Variants in KCNN3 observed in about 807,000 individuals in gnomAD.
KCNN3 encodes small conductance calcium-activated potassium channel protein 3.
Under a neutral mutation model 62.9 loss-of-function variants are expected in KCNN3, and 16 were observed. That is an observed-to-expected ratio of 0.25 (90% CI 0.17 to 0.39). The LOEUF is 0.39. KCNN3 is among the 10% of genes least tolerant of loss of function. The pLI is 1.00. For missense variants in KCNN3, 599 were observed against 949.4 expected, an observed-to-expected ratio of 0.63 and a Z score of 4.85; for synonymous variants, 370 against 389.2, an observed-to-expected ratio of 0.95 and a Z score of 0.58.
chr1:154,788,628 T>A (rs1325946657), intron 2 of KCNN3, among the ~76,000 whole-genome samples: 3 of 151,978 alleles, frequency 2.0e-5, no homozygotes, highest in Non-Finnish European at 2.9e-5. Flanking sequence ...CACCAAATAC[T>A]CCCCTGCCTT....
chr1:154,753,152 A>T (rs1647465808), intron 3 of KCNN3, among the ~76,000 whole-genome samples: 1 of 152,170 alleles, frequency 6.6e-6, no homozygotes, highest in African/African-American at 2.4e-5. Context: ...TAAAGCTACT[A>T]CTCAGTTAAC....
At chr1:154,736,925 C>A in intron 3 of KCNN3, 1 of 669,096 alleles carries the variant, frequency 1.5e-6, no homozygotes, top group Non-Finnish European at 2.7e-6. Context: ...TGTTTGTCAG[C>A]CTTCAGTGAT....
chr1:154,829,407 T>C (rs969293875), intron 1 of KCNN3, among the ~76,000 whole-genome samples: 1 of 152,194 alleles, frequency 6.6e-6, no homozygotes, highest in African/African-American at 2.4e-5. Flanking sequence ...GGTGAGGACA[T>C]CTTTACCACA....
At chr1:154,853,445 C>T (rs545710266) in intron 1 of KCNN3, among the ~76,000 whole-genome samples, 1 of 152,308 alleles carries the variant, frequency 6.6e-6, no homozygotes, top group East Asian at 1.9e-4. Flanking sequence ...AAGCGATCCT[C>T]CCACCTCAGA....
intron 2 of KCNN3, among the ~76,000 whole-genome samples, chr1:154,817,463 A>T (rs758293461): frequency 2.0e-5 from 3 of 152,262 alleles, no homozygotes; most frequent in Non-Finnish European, 4.4e-5. Context: ...GAGGATCAGC[A>T]TCCAAGATGG....
Position 154,827,874 on chromosome 1 carries a change from G to A in KCNN3, c.934-5690C>T, listed in dbSNP as rs955359771. 4.6e-5 allele frequency among the ~76,000 whole-genome samples: 7 copies of A among 152,158 alleles called. No individual in the cohort carries two copies. The East Asian group carries it at 7.7e-4, about 17-fold the overall frequency. On this transcript the variant is annotated intron_variant, in intron 1 of 7. Transcript: ENST00000271915. ...TTGGCCCTCCCAGCATCCTCAGAGC[G>A]GCTTCCCAACCTGGCTCCTACCAGA...
chr1:154,718,451 C>T (rs2101771109), intron 5 of KCNN3, among the ~76,000 whole-genome samples: 1 of 152,344 alleles, frequency 6.6e-6, no homozygotes, highest in Non-Finnish European at 1.5e-5. Context: ...TTGTGCTAAG[C>T]ACATATGTCT....
chr1:154,736,191 G>T (rs936297101), intron 3 of KCNN3, among the ~76,000 whole-genome samples: 2 of 152,190 alleles, frequency 1.3e-5, no homozygotes, highest in Non-Finnish European at 2.9e-5. Flanking sequence ...CTTATCCAAT[G>T]ATGGGAGGAT....
chr1:154,805,265 T>C (rs1650122072), intron 2 of KCNN3, among the ~76,000 whole-genome samples: 1 of 152,180 alleles, frequency 6.6e-6, no homozygotes, highest in African/African-American at 2.4e-5. Flanking sequence ...GGGGAATGGC[T>C]GTGGCCATGG....
intron 1 of KCNN3, among the ~76,000 whole-genome samples, chr1:154,838,009 G>A (rs1244165067): frequency 6.6e-6 from 1 of 152,204 alleles, no homozygotes; most frequent in African/African-American, 2.4e-5. Flanking sequence ...ACGAGGGCAG[G>A]AGTGCACATG....
Position 154,717,981 on chromosome 1 carries a change from G to A in KCNN3, c.1702-2978C>T, listed in dbSNP as rs866808396. On this transcript the variant is annotated intron_variant, in intron 5 of 7. Transcript: ENST00000271915. ...TCATGTGCCCTTCCTCAGATTTGCC[G>A]AGCCTCCAAAGGGCTCCATGCACCC... Among the ~76,000 whole-genome samples, 53 of 152,228 alleles carry A rather than the reference G, an allele frequency of 3.5e-4. 1 individual carries two copies. Among genetic ancestry groups the A allele is most frequent in the African/African-American group, 1.2e-3 (51 of 41,526 alleles).
chr1:154,776,098 C>T (rs1349218361), intron 2 of KCNN3, among the ~76,000 whole-genome samples: 3 of 152,148 alleles, frequency 2.0e-5, no homozygotes, highest in Non-Finnish European at 2.9e-5. Context: ...TCAGGTGCCC[C>T]GCCTTGGTTG....
At chr1:154,733,537 T>G in intron 3 of KCNN3, among the ~76,000 whole-genome samples, 1 of 152,232 alleles carries the variant, frequency 6.6e-6, no homozygotes, top group Admixed American at 6.5e-5. Flanking sequence ...CACAAGCTCC[T>G]GAACAGGGAA....
intron 3 of KCNN3, among the ~76,000 whole-genome samples, chr1:154,765,955 C>G (rs191135840): frequency 3.9e-5 from 6 of 152,152 alleles, no homozygotes; most frequent in African/African-American, 1.4e-4. Context: ...CCACCCAAGA[C>G]TCTTCTAATG....
intron 3 of KCNN3, among the ~76,000 whole-genome samples, chr1:154,766,194 G>A (rs1648261775): frequency 1.3e-5 from 2 of 151,400 alleles, no homozygotes; most frequent in Admixed American, 6.6e-5. Context: ...TAGAGGGCAG[G>A]GTTCCTGGGT....
chr1:154,787,870 T>A (rs1174004564), intron 2 of KCNN3, among the ~76,000 whole-genome samples: 1 of 151,980 alleles, frequency 6.6e-6, no homozygotes, highest in Admixed American at 6.5e-5. Context: ...TGTCCTCCCA[T>A]AGGCTGACGC....
chr1:154,842,493 G>A (rs1321175571), intron 1 of KCNN3, among the ~76,000 whole-genome samples: 1 of 152,140 alleles, frequency 6.6e-6, no homozygotes, highest in Non-Finnish European at 1.5e-5. Flanking sequence ...CCCCAAAAGT[G>A]GGGCAGAAGG....
chr1:154,777,577 C>T (rs1016320406), intron 2 of KCNN3, among the ~76,000 whole-genome samples: 2 of 152,202 alleles, frequency 1.3e-5, no homozygotes, highest in Non-Finnish European at 2.9e-5. Context: ...TCCCAGGTGA[C>T]CTCCAAGCCT....
chr1:154,826,621 G>A (rs548062644), intron 1 of KCNN3, among the ~76,000 whole-genome samples: 7 of 151,722 alleles, frequency 4.6e-5, no homozygotes, highest in Middle Eastern at 3.4e-3. Flanking sequence ...TATCTGCAGC[G>A]AGGCTTCTTA....
Sources: gnomAD v4.1 joint callset for allele counts (sites outside exome capture counted in the v4.1 genomes callset) on GRCh38, gnomAD v4.1.1 for gene constraint, MANE v1.5 for transcripts, NCBI Gene and HGNC (gene_info 2026-07-23, HGNC 2026-07-21) for gene names.